The following TMEM132D variants were observed in gnomAD, a reference collection of about 807,000 sequenced individuals.
The protein encoded by TMEM132D is mature OL transmembrane protein.
Under a neutral mutation model 62.3 loss-of-function variants are expected in TMEM132D, and 21 were observed. The observed-to-expected ratio is 0.34, with a 90% CI of 0.24 to 0.49. The LOEUF is 0.49. Among genes scored for constraint, TMEM132D ranks in the 20% least tolerant of loss-of-function variants. TMEM132D has a pLI of 0.99. For missense variants in TMEM132D, 1,346 were observed against 1,402.8 expected (o/e 0.96, Z 0.65); for synonymous variants, 621 against 575.6 (o/e 1.08, Z -1.13).
intron 4 of TMEM132D, among the ~76,000 whole-genome samples, chr12:129,287,958 A>G (rs1341428664): frequency 6.6e-6 from 1 of 152,190 alleles, no homozygotes; most frequent in Non-Finnish European, 1.5e-5. Context: ...GCGTTGTAAT[A>G]TATTTCAAAA....
At chr12:129,626,154 G>C (rs1411368205) in intron 2 of TMEM132D, among the ~76,000 whole-genome samples, 1 of 152,032 alleles carries the variant, frequency 6.6e-6, no homozygotes, top group Non-Finnish European at 1.5e-5. Context: ...AGCTCAGCAG[G>C]TTCTTCTCTG....
At chr12:129,619,489 T>C (rs530023381) in intron 2 of TMEM132D, among the ~76,000 whole-genome samples, 24 of 152,316 alleles carry the variant, frequency 1.6e-4, no homozygotes, top group Non-Finnish European at 3.2e-4. Flanking sequence ...TCCCTATGTC[T>C]ACATAATTTT....
intron 4 of TMEM132D, among the ~76,000 whole-genome samples, chr12:129,328,409 G>C (rs755777283): frequency 2.6e-5 from 4 of 152,186 alleles, no homozygotes; most frequent in Non-Finnish European, 5.9e-5. Flanking sequence ...TTCACTGATA[G>C]CAACTGGTTG....
At chr12:129,216,767 C>T (rs542222284) in intron 4 of TMEM132D, among the ~76,000 whole-genome samples, 16 of 152,310 alleles carry the variant, frequency 1.1e-4, no homozygotes, top group African/African-American at 3.8e-4. Flanking sequence ...AGCATGGCCA[C>T]ACTCACCCTG....
At chr12:129,321,561 TC>T (rs1337700880) in intron 4 of TMEM132D, among the ~76,000 whole-genome samples, 43 of 150,694 alleles carry the variant, frequency 2.9e-4, no homozygotes, top group African/African-American at 1.0e-3. Context: ...GCAGATCTTT[TC>T]TTTTTTTTTT....
intron 2 of TMEM132D, among the ~76,000 whole-genome samples, chr12:129,627,250 A>G (rs541793170): frequency 1.1e-4 from 16 of 152,168 alleles, no homozygotes; most frequent in East Asian, 3.8e-4. Flanking sequence ...TCACATACGA[A>G]TCATGTAAGA....
At chr12:129,613,237 C>T (rs1440366776) in intron 2 of TMEM132D, among the ~76,000 whole-genome samples, 2 of 152,082 alleles carry the variant, frequency 1.3e-5, no homozygotes, top group African/African-American at 4.8e-5. Flanking sequence ...TAGAAAGCAC[C>T]TGACTTCTAT....
At chr12:129,798,427 TAGA>T (rs1332071356) in intron 1 of TMEM132D, among the ~76,000 whole-genome samples, 3 of 152,140 alleles carry the variant, frequency 2.0e-5, no homozygotes, top group Admixed American at 6.5e-5. Flanking sequence ...GTAAAATAAT[TAGA>T]AGCGCTAAGC....
chr12:129,391,623 C>G (rs1871292479), intron 3 of TMEM132D, among the ~76,000 whole-genome samples: 1 of 152,160 alleles, frequency 6.6e-6, no homozygotes, highest in Admixed American at 6.5e-5. Flanking sequence ...TCCAGTAGTT[C>G]TCAATACTGG....
intron 4 of TMEM132D, among the ~76,000 whole-genome samples, chr12:129,216,941 GTTAAATTGACTTAT>G (rs1486188444): frequency 4.6e-5 from 7 of 152,168 alleles, no homozygotes; most frequent in Non-Finnish European, 8.8e-5. Context: ...AAACGAGTAA[GTTAAATTGACTTAT>G]TTAAATTGAC....
intron 5 of TMEM132D, among the ~76,000 whole-genome samples, chr12:129,118,422 C>T (rs1405966214): frequency 1.3e-5 from 2 of 152,196 alleles, no homozygotes; most frequent in African/African-American, 4.8e-5. Flanking sequence ...ATGCATCCCT[C>T]GTCAGCCCCA....
At chr12:129,276,001 G>A (rs896016077) in intron 4 of TMEM132D, among the ~76,000 whole-genome samples, 5 of 151,752 alleles carry the variant, frequency 3.3e-5, no homozygotes, top group Admixed American at 1.3e-4. Flanking sequence ...CTCTTATCCC[G>A]CAGTCTGCTT....
chr12:129,095,629 G>A (rs1172692829), intron 5 of TMEM132D, among the ~76,000 whole-genome samples: 1 of 152,146 alleles, frequency 6.6e-6, no homozygotes, highest in East Asian at 1.9e-4. Flanking sequence ...TGGGATTATA[G>A]GTGTGAGCCA....
intron 3 of TMEM132D, among the ~76,000 whole-genome samples, chr12:129,401,388 G>C (rs951299270): frequency 6.6e-6 from 1 of 152,050 alleles, no homozygotes; most frequent in African/African-American, 2.4e-5. Flanking sequence ...ACAATATAGT[G>C]AGACTTCATC....
chr12:129,158,053 T>A (rs958039872), intron 5 of TMEM132D, among the ~76,000 whole-genome samples: 4 of 152,174 alleles, frequency 2.6e-5, no homozygotes, highest in African/African-American at 9.6e-5. Flanking sequence ...GTGAGGTTTA[T>A]ATTTTAGAGA....
intron 3 of TMEM132D, among the ~76,000 whole-genome samples, chr12:129,424,212 A>G (rs1342153938): frequency 6.6e-6 from 1 of 152,162 alleles, no homozygotes; most frequent in Non-Finnish European, 1.5e-5. Flanking sequence ...TAAAAAAAAA[A>G]AAAAATCTAT....
intron 5 of TMEM132D, among the ~76,000 whole-genome samples, chr12:129,128,839 A>G (rs995062980): frequency 2.0e-5 from 3 of 152,056 alleles, no homozygotes; most frequent in African/African-American, 7.2e-5. Flanking sequence ...CTTATACATG[A>G]GATCATGCAG....
intron 5 of TMEM132D, among the ~76,000 whole-genome samples, chr12:129,087,778 T>G (rs2135622868): frequency 6.6e-6 from 1 of 152,302 alleles, no homozygotes; most frequent in Admixed American, 6.5e-5. Context: ...GCTGCTGGGT[T>G]TGTGGTGTGA....
intron 2 of TMEM132D, among the ~76,000 whole-genome samples, chr12:129,579,043 C>T (rs1877766847): frequency 6.6e-6 from 1 of 152,172 alleles, no homozygotes. Flanking sequence ...TGAAGGCTCA[C>T]TATCCAGAAA....
Sources: gnomAD v4.1 joint callset for allele counts (sites outside exome capture counted in the v4.1 genomes callset) on GRCh38, gnomAD v4.1.1 for gene constraint, MANE v1.5 for transcripts, NCBI Gene and HGNC (gene_info 2026-07-23, HGNC 2026-07-21) for gene names.